Variants in PCDH11X observed in about 807,000 individuals in gnomAD.
PCDH11X encodes the protein protocadherin 11 X-linked, also known as protocadherin-11 X-linked.
PCDH11X carries 18 observed loss-of-function variants against 53.3 expected under a neutral mutation model. That is an observed-to-expected ratio of 0.34 (90% CI 0.23 to 0.50). PCDH11X has a LOEUF of 0.50. Among genes scored for constraint, PCDH11X ranks in the 20% least tolerant of loss-of-function variants. PCDH11X has a pLI of 0.98. For synonymous variants in PCDH11X, 279 were observed against 393.3 expected (o/e 0.71, Z 3.44); for missense variants, 570 against 1,032.4 (o/e 0.55, Z 6.14).
At chrX:92,012,554 A>T (rs1362031368) in intron 6 of PCDH11X, among the ~76,000 whole-genome samples, 1 of 111,911 alleles carries the variant, frequency 8.9e-6, no homozygotes, top group Non-Finnish European at 1.9e-5. Flanking sequence ...GTATAAATGT[A>T]TACAAATATA....
chrX:92,206,985 T>C (rs1025190223), intron 7 of PCDH11X, among the ~76,000 whole-genome samples: 1 of 111,889 alleles, frequency 8.9e-6, no homozygotes, highest in East Asian at 2.8e-4. Context: ...AATGAGAATG[T>C]CCATTTCCTT....
At chrX:91,888,260 G>C (rs746175241) in intron 6 of PCDH11X, among the ~76,000 whole-genome samples, 1 of 111,499 alleles carries the variant, frequency 9.0e-6, no homozygotes, top group Non-Finnish European at 1.9e-5. Context: ...AGAAATATTT[G>C]TACTTTATCC....
At chrX:92,460,393 C>G in intron 9 of PCDH11X, 1 of 944,820 alleles carries the variant, frequency 1.1e-6, no homozygotes, top group Admixed American at 2.2e-5. Context: ...ATCTCAGGAC[C>G]TCGCCAAGAT....
intron 5 of PCDH11X, among the ~76,000 whole-genome samples, chrX:91,875,143 T>C (rs766946371): frequency 1.2e-4 from 13 of 110,780 alleles, no homozygotes; most frequent in African/African-American, 3.9e-4. Context: ...CAGTACCTTT[T>C]TATCTCATTC....
At chrX:92,480,931 A>T (rs1175723890) in intron 10 of PCDH11X, among the ~76,000 whole-genome samples, 6 of 111,015 alleles carry the variant, frequency 5.4e-5, no homozygotes, top group Non-Finnish European at 1.1e-4. Context: ...ACACACATTC[A>T]CAGCAGCGAC....
At chrX:92,330,960 CT>C (rs1474404874) in intron 8 of PCDH11X, among the ~76,000 whole-genome samples, 1 of 99,411 alleles carries the variant, frequency 1.0e-5, no homozygotes, top group Non-Finnish European at 2.0e-5. Context: ...CGCAAGGAAA[CT>C]GTTGAGGGTC....
rs1453866784 is a variant in PCDH11X, at chrX:92,078,074, T to G, written c.3034-123301T>G. Reference sequence around the variant, plus strand: ...GTGTTTCCCTGTGGACTCAATAGACTATTAAAACTATTGTGGCCCTCTTCT... The same window carrying G: ...GTGTTTCCCTGTGGACTCAATAGACGATTAAAACTATTGTGGCCCTCTTCT... On this transcript the variant is annotated intron_variant, in intron 6 of 10. Transcript: ENST00000682573. Among the ~76,000 whole-genome samples the G allele has an allele frequency of 1.1e-4, 12 of 109,754 alleles. No individual in the cohort carries two copies. In the Admixed American group the frequency reaches 1.2e-3, roughly 11 times the overall value.
rs1314900593 is a variant in PCDH11X at position 92,621,598 on chromosome X, TA to T, written c.*2659del. On this transcript the variant is annotated 3_prime_UTR_variant, in exon 11 of 11. Transcript: ENST00000682573. Reference sequence around the variant, plus strand: ...CTTCCTTCTCTTTCTAAGCGTCCACTAGGTCTGGCCTTGGAAACCTGTTACT... The same window carrying T: ...CTTCCTTCTCTTTCTAAGCGTCCACTGGTCTGGCCTTGGAAACCTGTTACT... 6 of 111,010 alleles carry T rather than the reference TA, an allele frequency of 5.4e-5. No homozygotes were observed. Among genetic ancestry groups the T allele is most frequent in the Non-Finnish European group, 1.1e-4 (6 of 53,016 alleles). The allele number at this position is 111,010 out of a possible 1,213,427, so 9.1% of individuals were successfully genotyped here. A position where few individuals can be genotyped will look rare whatever the true frequency, so the allele number is the denominator to read the frequency against.
intron 7 of PCDH11X, among the ~76,000 whole-genome samples, chrX:92,210,269 C>T (rs1330627329): frequency 1.4e-5 from 1 of 73,103 alleles, no homozygotes; most frequent in Admixed American, 2.3e-4. Context: ...GACAGAATCT[C>T]ACTCTGTCAC....
intron 8 of PCDH11X, among the ~76,000 whole-genome samples, chrX:92,320,749 G>C (rs1308686456): frequency 4.5e-5 from 5 of 111,470 alleles, no homozygotes; most frequent in Admixed American, 3.8e-4. Context: ...CCATCCTGCA[G>C]GCTGAGAAGC....
intron 10 of PCDH11X, among the ~76,000 whole-genome samples, chrX:92,498,382 T>C (rs1278732318): frequency 1.8e-5 from 2 of 110,996 alleles, no homozygotes; most frequent in African/African-American, 6.5e-5. Flanking sequence ...GCCAGATTAC[T>C]CACTCTTAAC....
chrX:91,924,373 G>T (rs1419830074), intron 6 of PCDH11X, among the ~76,000 whole-genome samples: 1 of 110,913 alleles, frequency 9.0e-6, no homozygotes, highest in Non-Finnish European at 1.9e-5. Flanking sequence ...AACTGGAAAT[G>T]GATTCTTCCT....
intron 8 of PCDH11X, among the ~76,000 whole-genome samples, chrX:92,317,439 T>C (rs2069104165): frequency 9.0e-6 from 1 of 111,075 alleles, no homozygotes; most frequent in Admixed American, 9.7e-5. Context: ...TCTTTCTCTA[T>C]CTTTCTCTCT....
At chrX:92,084,538 CAA>C (rs574981485) in intron 6 of PCDH11X, among the ~76,000 whole-genome samples, 8 of 61,899 alleles carry the variant, frequency 1.3e-4, no homozygotes, top group Non-Finnish European at 1.7e-4. Context: ...AACACAGTCT[CAA>C]AAAAAAAAAA....
chrX:92,200,498 C>A (rs1049485677), intron 6 of PCDH11X, among the ~76,000 whole-genome samples: 2 of 112,093 alleles, frequency 1.8e-5, no homozygotes, highest in Non-Finnish European at 1.9e-5. Flanking sequence ...TTTATTGCAG[C>A]ACTAATCACA....
At chrX:91,944,567 T>G (rs2147861016) in intron 6 of PCDH11X, among the ~76,000 whole-genome samples, 1 of 107,096 alleles carries the variant, frequency 9.3e-6, no homozygotes, top group Admixed American at 1.0e-4. Context: ...TCATTTTTCT[T>G]AGATTTTTAT....
chrX:92,068,689 A>C (rs2063653155), intron 6 of PCDH11X, among the ~76,000 whole-genome samples: 1 of 108,909 alleles, frequency 9.2e-6, no homozygotes, highest in Non-Finnish European at 1.9e-5. Flanking sequence ...ACATATGTGC[A>C]CCACCACGCC....
At chrX:92,035,038 A>G (rs1370463795) in intron 6 of PCDH11X, among the ~76,000 whole-genome samples, 1 of 110,657 alleles carries the variant, frequency 9.0e-6, no homozygotes, top group Non-Finnish European at 1.9e-5. Flanking sequence ...ACTAATAAAA[A>G]CTTTACACCT....
At chrX:92,384,070 C>T (rs36158366) in intron 8 of PCDH11X, among the ~76,000 whole-genome samples, 3 of 112,118 alleles carry the variant, frequency 2.7e-5, no homozygotes, top group East Asian at 2.8e-4. Flanking sequence ...ATTTCTCTAA[C>T]GACCATTGAT....
Sources: allele counts gnomAD v4.1 joint callset (sites outside exome capture counted in the v4.1 genomes callset), GRCh38; gene constraint gnomAD v4.1.1; transcripts MANE v1.5; gene names NCBI Gene and HGNC (gene_info 2026-07-23, HGNC 2026-07-21).